Variants in ADAMTSL3 observed in about 807,000 individuals in gnomAD.
ADAMTSL3 encodes ADAMTS like 3, also known as ADAMTS-like protein 3.
Under a neutral mutation model 201.7 loss-of-function variants are expected in ADAMTSL3, and 128 were observed. The ratio of observed to expected loss-of-function variants is 0.63; its 90% CI spans 0.55 to 0.73. The LOEUF (loss-of-function observed/expected upper bound fraction) is 0.73. ADAMTSL3 is among the 30% of genes least tolerant of loss of function. The pLI, the probability that ADAMTSL3 is intolerant of heterozygous loss-of-function variation, is 0.00. For missense variants in ADAMTSL3, 1,990 were observed against 2,119.6 expected (o/e 0.94, Z 1.20); for synonymous variants, 738 against 748.4 (o/e 0.99, Z 0.23).
intron 2 of ADAMTSL3, among the ~76,000 whole-genome samples, chr15:83,704,047 A>G (rs745518093): frequency 6.6e-6 from 1 of 151,126 alleles, no homozygotes; most frequent in African/African-American, 2.4e-5. Context: ...AGAAAATCCT[A>G]AAAACAATAG....
intron 3 of ADAMTSL3, among the ~76,000 whole-genome samples, chr15:83,710,312 T>G (rs906552556): frequency 1.3e-5 from 2 of 152,192 alleles, no homozygotes; most frequent in Non-Finnish European, 2.9e-5. Context: ...GAGATTTTTT[T>G]CCAGACTTAA....
At chr15:83,845,373 A>G (rs568782860) in intron 7 of ADAMTSL3, among the ~76,000 whole-genome samples, 75 of 152,352 alleles carry the variant, frequency 4.9e-4, no homozygotes, top group African/African-American at 1.8e-3. Context: ...TGTTGAACAA[A>G]TGAATACATG....
In ADAMTSL3 at chr15:83,924,031, C is replaced by A. The variant is rs112871476; in HGVS notation, c.2115C>A (p.Pro705=). The A allele has an allele frequency of 6.2e-7, 1 of 1,614,020 alleles. No individual in the cohort carries two copies. The highest frequency in any genetic ancestry group is 8.5e-7 in the Non-Finnish European group (1 of 1,179,964). The change falls in exon 17 of 30, where the codon CCC becomes CCA. Residue 705 remains proline, a splice_region_variant and synonymous_variant. Coordinates refer to ENST00000286744, the MANE Select transcript of ADAMTSL3 (RefSeq NM_207517.3). Reference sequence around the variant, plus strand: ...CCTGTAACACAGAGCCCTGTCCCCCCAGGTATGTGCTGTCTTGTGTTCCTG... The same window carrying A: ...CCTGTAACACAGAGCCCTGTCCCCCAAGGTATGTGCTGTCTTGTGTTCCTG... ...SQACNTEPCP[P]RWHVGSWGPC...
chr15:83,733,450 T>C (rs1403092344), intron 3 of ADAMTSL3, among the ~76,000 whole-genome samples: 2 of 152,110 alleles, frequency 1.3e-5, no homozygotes, highest in African/African-American at 4.8e-5. Flanking sequence ...GAGTCACAGC[T>C]TCTCAATGTG....
At chr15:83,770,541 T>G (rs1434170263) in intron 3 of ADAMTSL3, among the ~76,000 whole-genome samples, 1 of 152,242 alleles carries the variant, frequency 6.6e-6, no homozygotes, top group Non-Finnish European at 1.5e-5. Flanking sequence ...ATGATATATG[T>G]GTTTTTATTT....
At chr15:83,782,811 A>G (rs2063193790) in intron 4 of ADAMTSL3, among the ~76,000 whole-genome samples, 1 of 152,000 alleles carries the variant, frequency 6.6e-6, no homozygotes, top group Middle Eastern at 3.4e-3. Flanking sequence ...AATCTGTCCA[A>G]CAAACCCCCA....
chr15:83,942,694 C>T lies in ADAMTSL3; in HGVS notation c.2216C>T (p.Pro739Leu), dbSNP rs1368113715. Residue 739 changes from proline to leucine, a missense_variant, in exon 18 of 30, where the codon CCT becomes CTT. Pro to Leu is a moderately conservative substitution (Grantham distance 98). Coordinates refer to ENST00000286744, the MANE Select transcript of ADAMTSL3 (RefSeq NM_207517.3). ...YCLHPGETPAPPEECRDEKPH... is the reference protein window; with the variant it reads ...YCLHPGETPALPEECRDEKPH... ...CTGCACCCAGGGGAGACCCCTGCCC[C>T]TCCTGAGGAGTGCCGAGATGAAAAG... The T allele has an allele frequency of 3.1e-6, 5 of 1,614,136 alleles. No homozygotes were observed. The South Asian group carries it at 3.3e-5, about 11-fold the overall frequency.
chr15:83,818,880 A>G (rs933948530), intron 5 of ADAMTSL3, among the ~76,000 whole-genome samples: 5 of 152,090 alleles, frequency 3.3e-5, no homozygotes, highest in South Asian at 2.1e-4. Flanking sequence ...TGAACAAGCT[A>G]TGTTTTCTGC....
In ADAMTSL3 at chr15:84,038,243, G is replaced by A. The variant is rs1315762522; in HGVS notation, c.*437G>A. 4 of 155,804 alleles carry A rather than the reference G, an allele frequency of 2.6e-5. No homozygotes were observed. Among genetic ancestry groups the A allele is most frequent in the South Asian group, 4.0e-4 (2 of 4,972 alleles). The allele number at this position is 155,804 out of a possible 1,614,324, so 9.7% of individuals were successfully genotyped here. On this transcript the variant is annotated 3_prime_UTR_variant, in exon 30 of 30. Transcript: ENST00000286744. ...TTTTCAACAGTTTTATAAGGTATTT[G>A]CATTTTAGAAGCTCTGGCCAGTAGT...
intron 7 of ADAMTSL3, among the ~76,000 whole-genome samples, chr15:83,857,361 T>G (rs896612599): frequency 6.6e-6 from 1 of 152,214 alleles, no homozygotes; most frequent in South Asian, 2.1e-4. Flanking sequence ...TCCTGTGCTT[T>G]TAGTGTCATA....
intron 3 of ADAMTSL3, among the ~76,000 whole-genome samples, chr15:83,728,351 C>T (rs1425601923): frequency 6.6e-6 from 1 of 151,396 alleles, no homozygotes; most frequent in Non-Finnish European, 1.5e-5. Context: ...AGTCCATTTA[C>T]ATTCAATGTT....
chr15:83,995,759 G>A (rs982196037), intron 23 of ADAMTSL3, among the ~76,000 whole-genome samples: 1 of 152,214 alleles, frequency 6.6e-6, no homozygotes, highest in East Asian at 1.9e-4. Context: ...AATCCTGTAG[G>A]ATTGCTAGAA....
At chr15:83,738,841 A>G (rs1025228108) in intron 3 of ADAMTSL3, among the ~76,000 whole-genome samples, 3 of 152,238 alleles carry the variant, frequency 2.0e-5, no homozygotes, top group African/African-American at 7.2e-5. Context: ...GGTTGCATTG[A>G]GCCGAGATTC....
At chr15:83,948,020 G>A (rs962559791) in intron 19 of ADAMTSL3, among the ~76,000 whole-genome samples, 1 of 151,902 alleles carries the variant, frequency 6.6e-6, no homozygotes, top group Non-Finnish European at 1.5e-5. Flanking sequence ...ATTGTTATTC[G>A]TATCTGCCAA....
intron 7 of ADAMTSL3, among the ~76,000 whole-genome samples, chr15:83,844,498 ATC>A (rs1399972321): frequency 2.0e-5 from 3 of 152,084 alleles, no homozygotes; most frequent in African/African-American, 7.2e-5. Flanking sequence ...TTCCCACATC[ATC>A]TCTTTCTACC....
chr15:83,792,927 A>G (rs537003041), intron 4 of ADAMTSL3, among the ~76,000 whole-genome samples: 1 of 152,372 alleles, frequency 6.6e-6, no homozygotes, highest in African/African-American at 2.4e-5. Context: ...CAAGGTGTGG[A>G]AACAACTAAG....
chr15:83,677,766 T>G (rs1317039534), intron 2 of ADAMTSL3, among the ~76,000 whole-genome samples: 1 of 151,896 alleles, frequency 6.6e-6, no homozygotes, highest in East Asian at 1.9e-4. Flanking sequence ...ATTTGACTAT[T>G]TACATGAAAA....
intron 3 of ADAMTSL3, among the ~76,000 whole-genome samples, chr15:83,751,715 C>G (rs1315250217): frequency 1.3e-5 from 2 of 152,174 alleles, no homozygotes; most frequent in African/African-American, 4.8e-5. Context: ...AGAGGAGATA[C>G]TGCAGAGGTG....
chr15:83,935,878 T>C (rs114494469), intron 17 of ADAMTSL3, among the ~76,000 whole-genome samples: 1 of 152,212 alleles, frequency 6.6e-6, no homozygotes, highest in African/African-American at 2.4e-5. Flanking sequence ...TTAATACATA[T>C]ACTTTAAAAA....
Sources: gnomAD v4.1 joint callset for allele counts (sites outside exome capture counted in the v4.1 genomes callset) on GRCh38, gnomAD v4.1.1 for gene constraint, MANE v1.5 for transcripts, NCBI Gene and HGNC (gene_info 2026-07-23, HGNC 2026-07-21) for gene names.